The following PHRF1 variants were observed in gnomAD, a reference collection of about 807,000 sequenced individuals.
PHRF1 encodes the protein PHD and RING finger domain-containing protein 1.
A neutral mutation model predicts 128.9 loss-of-function variants in PHRF1; 53 were observed. That is an observed-to-expected ratio of 0.41 (90% CI 0.33 to 0.52). The LOEUF (loss-of-function observed/expected upper bound fraction) is 0.52, where lower values mean the gene tolerates loss of function less well. PHRF1 is among the 20% of genes least tolerant of loss of function. The pLI is 0.21. For missense variants in PHRF1, 2,503 were observed against 2,284.5 expected (o/e 1.10, Z -1.95); for synonymous variants, 1,178 against 980.6 (o/e 1.20, Z -3.76).
chr11:597,283 C>G lies in PHRF1; in HGVS notation c.719-112C>G. The G allele has an allele frequency of 7.4e-7, 1 of 1,357,948 alleles. No individual in the cohort carries two copies. Among genetic ancestry groups the G allele is most frequent in the Non-Finnish European group, 1.0e-6 (1 of 999,562 alleles). The allele number at this position is 1,357,948 out of a possible 1,614,324, so 84.1% of individuals were successfully genotyped here. On this transcript the variant is annotated intron_variant, in intron 7 of 17. Transcript: ENST00000264555. This position sits in a 1 kb window ranked among gnomAD's most constrained non-coding sequence, Gnocchi z 6.5. ...TCCATGAGCAGCCCTGGGTCCTGTGCACAGGTCAGCCCGAGCCAGGGCTGC... is the reference window on the plus strand; with the variant it reads ...TCCATGAGCAGCCCTGGGTCCTGTGGACAGGTCAGCCCGAGCCAGGGCTGC...
rs371780907 is a variant in PHRF1 at position 608,597 on chromosome 11, C to T, written c.3141C>T (p.Ser1047=). ...VGEERPRRQR[S]KAKSRRSSSD... The stretch of plus-strand genomic sequence containing the variant: ...AGGAGCGCCCCAGGAGGCAGCGGTC[C>T]AAGGCCAAGAGCCGGCGGTCCTCCA... The change falls in exon 14 of 18, where the codon TCC becomes TCT. Residue 1047 remains serine, a synonymous_variant. Transcript: ENST00000264555. 1.9e-6 allele frequency: 3 copies of T among 1,612,256 alleles called. No homozygotes were observed. The highest frequency in any genetic ancestry group is 1.1e-5 in the South Asian group (1 of 91,046).
Position 609,742 on chromosome 11 carries a change from A to G in PHRF1, c.4264+22A>G, listed in dbSNP as rs61577202. ...CCCCGTGAGTAGTGCCCCGGCCCCC[A>G]CCGAGGACAGAGCCCCCAGTGAGTA... On this transcript the variant is annotated intron_variant, in intron 14 of 17. Transcript: ENST00000264555. The G allele has an allele frequency of 8.5e-5, 102 of 1,204,490 alleles. No individual in the cohort carries two copies. In the African/African-American group the frequency reaches 1.3e-3, roughly 15 times the overall value. The allele number at this position is 1,204,490 out of a possible 1,614,324, so 74.6% of individuals were successfully genotyped here.
In PHRF1 at chr11:611,855, G is replaced by A. The variant is rs1468732932; in HGVS notation, c.*78G>A. 6.6e-7 allele frequency: 1 copy of A among 1,511,056 alleles called. No homozygotes were observed. Among genetic ancestry groups the A allele is most frequent in the African/African-American group, 1.4e-5 (1 of 71,920 alleles). The allele number at this position is 1,511,056 out of a possible 1,614,324, so 93.6% of individuals were successfully genotyped here. ...GGGGCCATGCCCGGGGAGCTGTCGGGAGTGGCGGGAATCGGGGCCATGCCC... is the reference window on the plus strand; with the variant it reads ...GGGGCCATGCCCGGGGAGCTGTCGGAAGTGGCGGGAATCGGGGCCATGCCC... On this transcript the variant is annotated 3_prime_UTR_variant, in exon 18 of 18. Coordinates refer to ENST00000264555, the MANE Select transcript of PHRF1 (RefSeq NM_001286581.2).
Position 607,285 on chromosome 11 carries a change from C to A in PHRF1, c.1829C>A (p.Ala610Glu), listed in dbSNP as rs763632453. ...CTGGACTTGCCAGCAGCCCCTGGGG[C>A]GGTTCAGGCTCGGAACTTGTCAAAT... ...VRLDLPAAPG[A>E]VQARNLSNGS... Residue 610 changes from alanine (A) to glutamate (E), a missense_variant, in exon 14 of 18, where the codon GCG becomes GAG. Physicochemically the swap from Ala to Glu is moderately radical, Grantham distance 107. Coordinates refer to ENST00000264555, the MANE Select transcript of PHRF1 (RefSeq NM_001286581.2). 1.2e-6 allele frequency: 2 copies of A among 1,612,576 alleles called. No homozygotes were observed. The highest frequency in any genetic ancestry group is 1.7e-6 in the Non-Finnish European group (2 of 1,179,896).
At chr11:590,225 A>G (rs1272744383) in intron 4 of PHRF1, among the ~76,000 whole-genome samples, 2 of 152,242 alleles carry the variant, frequency 1.3e-5, no homozygotes, top group Non-Finnish European at 2.9e-5. Flanking sequence ...CCCAGACTCC[A>G]GAGGTGGGGG....
chr11:601,582 A>G lies in PHRF1; in HGVS notation c.1033A>G (p.Lys345Glu), dbSNP rs566427734. The change falls in exon 10 of 18, where the codon AAG becomes GAG. Residue 345 changes from lysine (K) to glutamate (E), a missense_variant. Physicochemically the swap from Lys to Glu is moderately conservative, Grantham distance 56 (BLOSUM62 1). Transcript: ENST00000264555. ...ARRKRKTRRR[K>E]KVPGRKKTPS... Reference sequence around the variant, plus strand: ...CAACCTCTTTTCCTTAGGAAGACGGAAGAAAGTGCCGGGAAGAAAGAAAAC... The same window carrying G: ...CAACCTCTTTTCCTTAGGAAGACGGGAGAAAGTGCCGGGAAGAAAGAAAAC... 1.9e-6 allele frequency: 3 copies of G among 1,613,790 alleles called. No homozygotes were observed. The highest frequency in any genetic ancestry group is 2.7e-5 in the African/African-American group (2 of 75,034).
Position 608,219 on chromosome 11 carries a change from G to A in PHRF1, c.2763G>A (p.Glu921=), listed in dbSNP as rs2133077125. 6.2e-7 allele frequency: 1 copy of A among 1,609,572 alleles called. No homozygotes were observed. Among genetic ancestry groups the A allele is most frequent in the Non-Finnish European group, 8.5e-7 (1 of 1,179,826 alleles). ...GGGCCTCTGACACGGAGCGAGAGGAGCCCACAGAGAGCCAGGGCCTGGCTG... is the reference window on the plus strand; with the variant it reads ...GGGCCTCTGACACGGAGCGAGAGGAACCCACAGAGAGCCAGGGCCTGGCTG... ...AEGASDTERE[E]PTESQGLAAR... Residue 921 remains glutamate (E), a synonymous_variant, in exon 14 of 18, where the codon GAG becomes GAA. Transcript: ENST00000264555.
chr11:604,540 G>T (rs1239787195), intron 10 of PHRF1, among the ~76,000 whole-genome samples: 1 of 152,220 alleles, frequency 6.6e-6, no homozygotes, highest in Admixed American at 6.5e-5. Flanking sequence ...TTGAGACAGA[G>T]TCTCGCTCTG....
Position 607,403 on chromosome 11 carries a change from C to T in PHRF1, c.1947C>T (p.Ile649=), listed in dbSNP as rs747719976. 6 of 1,612,730 alleles carry T rather than the reference C, an allele frequency of 3.7e-6. No individual in the cohort carries two copies. The highest frequency in any genetic ancestry group is 1.3e-5 in the African/African-American group (1 of 74,936). ...TLPLASAASK[I]SSRDSKPPCR... ...CCCTTGCCTCTGCCGCGTCTAAGAT[C>T]TCAAGCAGAGATTCTAAGCCCCCAT... The change falls in exon 14 of 18, where the codon ATC becomes ATT. Residue 649 remains isoleucine (I), a synonymous_variant. Coordinates refer to ENST00000264555, the MANE Select transcript of PHRF1 (RefSeq NM_001286581.2).
chr11:610,725 C>A lies in PHRF1; in HGVS notation c.4641C>A (p.Ala1547=). Residue 1547 remains alanine (A), a synonymous_variant, in exon 16 of 18, where the codon GCC becomes GCA. Coordinates refer to ENST00000264555, the MANE Select transcript of PHRF1 (RefSeq NM_001286581.2). ...AASNSEEKTP[A]PRLAAEKTKK... Reference sequence around the variant, plus strand: ...GCAACTCGGAGGAGAAGACCCCGGCCCCCAGGCTAGCTGCGGAGAAAACCA... The same window carrying A: ...GCAACTCGGAGGAGAAGACCCCGGCACCCAGGCTAGCTGCGGAGAAAACCA... The A allele has an allele frequency of 6.2e-7, 1 of 1,602,242 alleles. No individual in the cohort carries two copies. The highest frequency in any genetic ancestry group is 8.5e-7 in the Non-Finnish European group (1 of 1,179,810).
intron 9 of PHRF1, among the ~76,000 whole-genome samples, chr11:598,934 C>G (rs1855466553): frequency 6.6e-6 from 1 of 152,220 alleles, no homozygotes; most frequent in Admixed American, 6.5e-5. Flanking sequence ...GTCCTTTTCT[C>G]TGTGAGTTTT....
chr11:605,656 G>A lies in PHRF1; in HGVS notation c.1386G>A (p.Arg462=). Residue 462 remains arginine, a synonymous_variant, in exon 12 of 18, where the codon CGG becomes CGA. Transcript: ENST00000264555. ...NPLSPLSAKR[R]ALSRSALQSH... is the part of the protein sequence containing the mutation. Reference sequence around the variant, plus strand: ...TTTCCCCTCTGAGTGCCAAGAGACGGGCTCTGTCCCGGTCAGCCCTGCAGT... The same window carrying A: ...TTTCCCCTCTGAGTGCCAAGAGACGAGCTCTGTCCCGGTCAGCCCTGCAGT... The A allele has an allele frequency of 6.2e-7, 1 of 1,613,666 alleles. No homozygotes were observed. The highest frequency in any genetic ancestry group is 1.1e-5 in the South Asian group (1 of 91,092).
In PHRF1 at chr11:592,598, G is replaced by A; in HGVS notation, c.544G>A (p.Asp182Asn). 1 of 1,614,086 alleles carries A rather than the reference G, an allele frequency of 6.2e-7. No individual in the cohort carries two copies. The highest frequency in any genetic ancestry group is 8.5e-7 in the Non-Finnish European group (1 of 1,179,912). The change falls in exon 6 of 18, where the codon GAC (aspartate) becomes AAC (asparagine). Residue 182 changes from aspartate (D) to asparagine (N), a missense_variant. Coordinates refer to ENST00000264555, the MANE Select transcript of PHRF1 (RefSeq NM_001286581.2). The stretch of plus-strand genomic sequence containing the variant: ...CACCAAAGCGAGCGAGGAGGAGGAG[G>A]ACCCGACCTTCTGTGAGGTGTGCGG... ...ENTKASEEEE[D>N]PTFCEVCGRS...
At chr11:579,503 G>C (rs773724849) in intron 1 of PHRF1, among the ~76,000 whole-genome samples, 2 of 152,194 alleles carry the variant, frequency 1.3e-5, no homozygotes, top group Non-Finnish European at 2.9e-5. Context: ...GAGAGCTGTG[G>C]TCACTGCTAG....
intron 8 of PHRF1, 123 bp from the exon 9 acceptor site, chr11:598,250 G>A (rs950557277): frequency 1.5e-6 from 2 of 1,332,216 alleles, no homozygotes; most frequent in African/African-American, 3.0e-5. Context: ...GCAGTGGCGG[G>A]TGGGGAGGCT....
chr11:596,532 T>G (rs1483150459), intron 6 of PHRF1, among the ~76,000 whole-genome samples: 1 of 152,186 alleles, frequency 6.6e-6, no homozygotes, highest in Non-Finnish European at 1.5e-5. Context: ...GCCAGCTCAG[T>G]TGCTGTCAGG....
In PHRF1 at chr11:608,552, A is replaced by G; in HGVS notation, c.3096A>G (p.Ser1032=). The G allele has an allele frequency of 6.2e-7, 1 of 1,612,322 alleles. No individual in the cohort carries two copies. Among genetic ancestry groups the G allele is most frequent in the African/African-American group, 1.3e-5 (1 of 75,030 alleles). The change falls in exon 14 of 18, where the codon TCA becomes TCG. Residue 1032 remains serine, a synonymous_variant. Coordinates refer to ENST00000264555, the MANE Select transcript of PHRF1 (RefSeq NM_001286581.2). ...AATCCAGGGACAGGAGCTCGAGGTC[A>G]GCGTCACCATCAGTGGGTGAGGAGC... The part of the protein sequence containing the change: ...RSESRDRSSR[S]ASPSVGEERP...
At chr11:592,749 C>G (rs1855055559) in intron 6 of PHRF1, 75 bp downstream of exon 6, 3 of 1,484,272 alleles carry the variant, frequency 2.0e-6, no homozygotes, top group Non-Finnish European at 2.8e-6. Context: ...GATGCAGAGC[C>G]TCTTCGCTCT....
Position 609,388 on chromosome 11 carries a change from C to T in PHRF1, c.3932C>T (p.Pro1311Leu), listed in dbSNP as rs773525144. Residue 1311 changes from proline to leucine, a missense_variant, in exon 14 of 18, where the codon CCA becomes CTA. Coordinates refer to ENST00000264555, the MANE Select transcript of PHRF1 (RefSeq NM_001286581.2). ...RDFPLKPALPPASLAVAAIQR... is the reference protein window; with the variant it reads ...RDFPLKPALPLASLAVAAIQR... The stretch of plus-strand genomic sequence containing the variant: ...TTCCCACTGAAGCCTGCGTTGCCCC[C>T]AGCCAGCCTGGCCGTGGCCGCCATC... The T allele has an allele frequency of 3.1e-6, 5 of 1,611,470 alleles. No homozygotes were observed. The highest frequency in any genetic ancestry group is 1.3e-5 in the African/African-American group (1 of 74,950).
Sources: gnomAD v4.1 joint callset for allele counts (sites outside exome capture counted in the v4.1 genomes callset) on GRCh38, gnomAD v4.1.1 for gene constraint, Gnocchi (gnomAD v3.1) non-coding constraint, MANE v1.5 for transcripts, NCBI Gene and HGNC (gene_info 2026-07-23, HGNC 2026-07-21) for gene names.